RAD51B: variants seen among roughly 807,000 people sequenced by gnomAD.
RAD51B encodes RAD51 paralog B.
A neutral mutation model predicts 42.2 loss-of-function variants in RAD51B; 38 were observed. The ratio of observed to expected loss-of-function variants is 0.90; its 90% confidence interval spans 0.70 to 1.18. RAD51B has a LOEUF of 1.18. Among genes scored for constraint, RAD51B ranks in the 50% most tolerant of loss-of-function variants. The pLI, the probability that RAD51B is intolerant of heterozygous loss-of-function variation, is 0.00. For missense variants in RAD51B, 373 were observed against 400.7 expected, an observed-to-expected ratio of 0.93 and a Z score of 0.59; for synonymous variants, 154 against 145.2, an observed-to-expected ratio of 1.06 and a Z score of -0.43.
chr14:68,591,072 C>A (rs1890719963), intron 10 of RAD51B, among the ~76,000 whole-genome samples: 1 of 152,204 alleles, frequency 6.6e-6, no homozygotes, highest in South Asian at 2.1e-4. Context: ...TCCCTCCTTC[C>A]TATTTAAACA....
intron 7 of RAD51B, among the ~76,000 whole-genome samples, chr14:68,214,821 C>T (rs2079781146): frequency 6.6e-6 from 1 of 152,206 alleles, no homozygotes; most frequent in African/African-American, 2.4e-5. Context: ...TTGTAAGCCT[C>T]TTTATTGCAT....
intron 4 of RAD51B, among the ~76,000 whole-genome samples, chr14:67,862,255 A>G (rs1016027019): frequency 3.0e-4 from 45 of 152,182 alleles, no homozygotes; most frequent in Admixed American, 2.7e-3. Flanking sequence ...CTCCATAAAT[A>G]TATATTATTA....
intron 3 of RAD51B, among the ~76,000 whole-genome samples, chr14:67,829,410 G>T (rs10137930): frequency 0.32 from 49,162 of 151,740 alleles, 8,301 homozygotes; most frequent in Middle Eastern, 0.45. Context: ...GCCTGGCTAA[G>T]TTTTTGTATT....
At chr14:68,642,404 A>G (rs1308331847) in intron 10 of RAD51B, among the ~76,000 whole-genome samples, 1 of 152,298 alleles carries the variant, frequency 6.6e-6, no homozygotes, top group East Asian at 1.9e-4. Flanking sequence ...AGTTGTTCAT[A>G]GCATTATTTC....
chr14:68,591,126 G>T (rs1167578283), intron 10 of RAD51B, among the ~76,000 whole-genome samples: 1 of 152,208 alleles, frequency 6.6e-6, no homozygotes, highest in African/African-American at 2.4e-5. Context: ...TGGTGGCTGA[G>T]GTGGAGCATC....
At chr14:67,860,273 G>C (rs755285338) in intron 4 of RAD51B, among the ~76,000 whole-genome samples, 1 of 152,170 alleles carries the variant, frequency 6.6e-6, no homozygotes, top group Non-Finnish European at 1.5e-5. Flanking sequence ...GATTATCATA[G>C]TAGCTATATT....
At chr14:68,102,354 T>A (rs1331401392) in intron 7 of RAD51B, among the ~76,000 whole-genome samples, 2 of 152,202 alleles carry the variant, frequency 1.3e-5, no homozygotes, top group African/African-American at 2.4e-5. Flanking sequence ...TCTATTGCAA[T>A]TTTTTAAAAC....
chr14:68,505,192 A>G (rs1211086680), intron 10 of RAD51B, among the ~76,000 whole-genome samples: 1 of 152,246 alleles, frequency 6.6e-6, no homozygotes, highest in Non-Finnish European at 1.5e-5. Flanking sequence ...ACGAGGATGG[A>G]GCAGGAGCAG....
chr14:68,616,614 C>T (rs1318211499), intron 10 of RAD51B, among the ~76,000 whole-genome samples: 1 of 152,064 alleles, frequency 6.6e-6, no homozygotes, highest in African/African-American at 2.4e-5. Flanking sequence ...ATTCCTGGAT[C>T]TGTGGTATTT....
chr14:68,069,894 A>G (rs1265938867), intron 7 of RAD51B, among the ~76,000 whole-genome samples: 3 of 152,184 alleles, frequency 2.0e-5, no homozygotes, highest in African/African-American at 7.2e-5. Context: ...ACTAATTTAC[A>G]TTCTCACCAG....
chr14:68,540,717 G>A, intron 10 of RAD51B: 1 of 985,422 alleles, frequency 1.0e-6, no homozygotes, highest in Middle Eastern at 5.2e-4. Context: ...AAGAAAGAGA[G>A]GGTGGGTTTA....
intron 10 of RAD51B, among the ~76,000 whole-genome samples, chr14:68,621,409 TC>T (rs1891945310): frequency 6.6e-6 from 1 of 152,246 alleles, no homozygotes; most frequent in Non-Finnish European, 1.5e-5. Flanking sequence ...ACTCTTAAGT[TC>T]CTTTTTTCTC....
intron 10 of RAD51B, among the ~76,000 whole-genome samples, chr14:68,469,903 G>C (rs949859814): frequency 7.2e-5 from 11 of 152,328 alleles, no homozygotes; most frequent in Middle Eastern, 3.4e-3. Flanking sequence ...TCTAAGCCCG[G>C]TCAAATCTGG....
At chr14:68,521,367 TG>T (rs1328056839) in intron 10 of RAD51B, among the ~76,000 whole-genome samples, 2 of 152,218 alleles carry the variant, frequency 1.3e-5, no homozygotes, top group African/African-American at 4.8e-5. Context: ...TGAATTGAAC[TG>T]GGGCTCTCAG....
At chr14:68,568,840 A>T (rs1159532469) in intron 10 of RAD51B, among the ~76,000 whole-genome samples, 1 of 151,928 alleles carries the variant, frequency 6.6e-6, no homozygotes, top group African/African-American at 2.4e-5. Context: ...ATCTTTTTTG[A>T]TATTTTGGAT....
intron 7 of RAD51B, among the ~76,000 whole-genome samples, chr14:68,272,657 ATATATATATTTTTTTTTTTTTTTT>A (rs2081135539): frequency 6.3e-5 from 1 of 15,990 alleles, no homozygotes; most frequent in African/African-American, 2.9e-4. Context: ...ATATATATAT[ATATATATATTTTTTTTTTTTTTTT>A]TTTTTTTTTT....
intron 4 of RAD51B, among the ~76,000 whole-genome samples, chr14:67,854,938 C>T (rs1378395529): frequency 6.6e-6 from 1 of 152,190 alleles, no homozygotes; most frequent in Admixed American, 6.5e-5. Context: ...GCACTTCAGC[C>T]TGGGGTGAGA....
intron 9 of RAD51B, among the ~76,000 whole-genome samples, chr14:68,459,355 A>G (rs2085784042): frequency 6.6e-6 from 1 of 152,190 alleles, no homozygotes; most frequent in Non-Finnish European, 1.5e-5. Flanking sequence ...CTTTTTTCTA[A>G]GTCTTGGACA....
At chr14:68,497,141 A>G in intron 10 of RAD51B, 3 of 1,398,172 alleles carry the variant, frequency 2.1e-6, no homozygotes, top group Non-Finnish European at 2.9e-6. Flanking sequence ...AAATTCCTAG[A>G]GACAGATAAA....
Sources: gnomAD v4.1 joint callset for allele counts (sites outside exome capture counted in the v4.1 genomes callset) on GRCh38, gnomAD v4.1.1 for gene constraint, MANE v1.5 for transcripts, NCBI Gene and HGNC (gene_info 2026-07-23, HGNC 2026-07-21) for gene names.